ATG2A: variants seen among roughly 807,000 people sequenced by gnomAD.
The protein encoded by ATG2A is autophagy related 2A.
Under a neutral mutation model 214.2 loss-of-function variants are expected in ATG2A, and 103 were observed. That is an observed-to-expected ratio of 0.48 (90% CI 0.41 to 0.57). The LOEUF is 0.57. ATG2A is among the 20% of genes least tolerant of loss of function. ATG2A has a pLI of 0.00. For missense variants in ATG2A, 2,312 were observed against 2,613.2 expected, an observed-to-expected ratio of 0.88 and a Z score of 2.51; for synonymous variants, 1,160 against 1,142.1, an observed-to-expected ratio of 1.02 and a Z score of -0.32.
intron 37 of ATG2A, 101 bp downstream of exon 37, chr11:64,897,311 T>C: frequency 7.2e-7 from 1 of 1,383,956 alleles, no homozygotes; most frequent in South Asian, 1.3e-5. Context: ...ACTGAGGCCC[T>C]GAGAAGGGTG....
chr11:64,912,899 T>G, intron 6 of ATG2A, 139 bp downstream of exon 6: 2 of 693,114 alleles, frequency 2.9e-6, no homozygotes, highest in Non-Finnish European at 4.7e-6. Flanking sequence ...GCCTACAGCC[T>G]CAGTTTCTTT....
rs774460422 is a variant in ATG2A, at chr11:64,913,261, C to A, written c.726+5G>T. ...CAGGGGCTGTGGGAATCAGAGCCCG[C>A]TCACCTGTGCCGGGAGCTCCTCGTA... On this transcript the variant is annotated splice_donor_5th_base_variant and intron_variant, in intron 5 of 40. Coordinates refer to ENST00000377264, the MANE Select transcript of ATG2A (RefSeq NM_015104.3). This position sits in a 1 kb window ranked among gnomAD's most constrained non-coding sequence, Gnocchi z 4.3. 1.7e-5 allele frequency: 27 copies of A among 1,611,908 alleles called. No individual in the cohort carries two copies. The South Asian group carries it at 1.8e-4, about 11-fold the overall frequency.
At chr11:64,904,417 T>C (rs1944465471) in intron 24 of ATG2A, among the ~76,000 whole-genome samples, 1 of 151,782 alleles carries the variant, frequency 6.6e-6, no homozygotes, top group African/African-American at 2.4e-5. Context: ...TGGTGGTGGG[T>C]GCCTGTTGTC....
Position 64,913,147 on chromosome 11 carries a change from G to T in ATG2A, c.727-11C>A, listed in dbSNP as rs764266365. On this transcript the variant is annotated splice_polypyrimidine_tract_variant and intron_variant, in intron 5 of 40. Coordinates refer to ENST00000377264, the MANE Select transcript of ATG2A (RefSeq NM_015104.3). This position sits in a 1 kb window ranked among gnomAD's most constrained non-coding sequence, Gnocchi z 4.3. Reference sequence around the variant, plus strand: ...CTCTGGAGGCTCTTCCTGGGAGACGGGAGGATACAAGAGGGAAAGGTTGAG... The same window carrying T: ...CTCTGGAGGCTCTTCCTGGGAGACGTGAGGATACAAGAGGGAAAGGTTGAG... The T allele has an allele frequency of 6.3e-7, 1 of 1,587,710 alleles. No homozygotes were observed. Among genetic ancestry groups the T allele is most frequent in the Non-Finnish European group, 8.6e-7 (1 of 1,164,338 alleles).
intron 31 of ATG2A, among the ~76,000 whole-genome samples, chr11:64,899,220 T>C (rs867073815): frequency 6.6e-6 from 1 of 152,140 alleles, no homozygotes; most frequent in Admixed American, 6.5e-5. Context: ...CCCTTCTCTA[T>C]TCTATGCCCA....
chr11:64,914,255 C>T (rs1334960287), intron 2 of ATG2A, 22 bp from the exon 3 acceptor site: 1 of 1,551,030 alleles, frequency 6.4e-7, no homozygotes, highest in Admixed American at 1.9e-5. Flanking sequence ...AACAGGGTCT[C>T]AAGGCAGGCA....
chr11:64,895,106 G>T lies in ATG2A; in HGVS notation c.5684C>A (p.Pro1895Gln), dbSNP rs143178044. ...CAGGATGAGCGGCTTCACCACAGTC[G>T]GGGGCAGCTGGCGGATCACGCCCCC... ...AVGGVIRQLP[P>Q]TVVKPLILAT... Residue 1895 changes from proline to glutamine, a missense_variant, in exon 41 of 41, where the codon CCG (proline) becomes CAG (glutamine). By Grantham distance (76) the Pro-to-Gln change is moderately conservative (BLOSUM62 -1). Transcript: ENST00000377264. This position sits in a 1 kb window ranked among gnomAD's most constrained non-coding sequence, Gnocchi z 5.0. 1.2e-5 allele frequency: 19 copies of T among 1,612,938 alleles called. No individual in the cohort carries two copies. The highest frequency in any genetic ancestry group is 1.6e-5 in the Non-Finnish European group (19 of 1,179,794).
chr11:64,894,628 G>C lies in ATG2A; in HGVS notation c.*345C>G. The C allele has an allele frequency of 1.7e-6, 1 of 587,968 alleles. No individual in the cohort carries two copies. The highest frequency in any genetic ancestry group is 3.2e-6 in the Non-Finnish European group (1 of 311,090). The allele number at this position is 587,968 out of a possible 1,614,324, so 36.4% of individuals were successfully genotyped here. On this transcript the variant is annotated 3_prime_UTR_variant, in exon 41 of 41. Transcript: ENST00000377264. ...TTAAAAATAATACATCGAACCACAC[G>C]GATATCATCCCCTCCTCCCCCCAGA...
intron 29 of ATG2A, among the ~76,000 whole-genome samples, chr11:64,901,337 C>T (rs1239906190): frequency 6.6e-6 from 1 of 152,182 alleles, no homozygotes; most frequent in Non-Finnish European, 1.5e-5. Flanking sequence ...ACATGTGCCA[C>T]CATATCTGGC....
chr11:64,898,489 C>T lies in ATG2A; in HGVS notation c.4672-127G>A. The T allele has an allele frequency of 1.5e-6, 2 of 1,315,032 alleles. No homozygotes were observed. The highest frequency in any genetic ancestry group is 2.1e-6 in the Non-Finnish European group (2 of 948,898). 81.5% of individuals were successfully genotyped at this position (1,315,032 alleles called of 1,614,324 possible). ...CGCTGTTCCCTTCGCTAACACAGCC[C>T]CTAGCTCTGCCCTTCTCCCAGGCTC... is the stretch of plus-strand genomic sequence containing the variant. On this transcript the variant is annotated intron_variant, in intron 32 of 40. Transcript: ENST00000377264. The surrounding 1 kb of genome is among the most constrained non-coding windows in gnomAD (Gnocchi z 4.5).
chr11:64,912,689 G>A (rs1054046191), intron 6 of ATG2A: 1 of 467,850 alleles, frequency 2.1e-6, no homozygotes, highest in African/African-American at 2.0e-5. Flanking sequence ...TGCCTCCTGG[G>A]TTCAAGCGAT....
chr11:64,911,179 G>C lies in ATG2A; in HGVS notation c.1325C>G (p.Ser442Cys). Reference sequence around the variant, plus strand: ...GTCAGGTGGTCCGGAAGATGGGGCAGACGTCTGAAGCAAGGTCAGGGTCAC... The same window carrying C: ...GTCAGGTGGTCCGGAAGATGGGGCACACGTCTGAAGCAAGGTCAGGGTCAC... The part of the protein sequence containing the change: ...GGVTLTLLQT[S>C]APSSGPPDLA... The change falls in exon 10 of 41, where the codon TCT becomes TGT. Residue 442 changes from serine to cysteine, a missense_variant. Physicochemically the swap from Ser to Cys is moderately radical, Grantham distance 112. Transcript: ENST00000377264. 10 of 1,614,046 alleles carry C rather than the reference G, an allele frequency of 6.2e-6. No homozygotes were observed. The highest frequency in any genetic ancestry group is 8.5e-6 in the Non-Finnish European group (10 of 1,180,044).
chr11:64,906,995 C>G (rs746618562), intron 19 of ATG2A, among the ~76,000 whole-genome samples, 180 bp from the exon 20 acceptor site: 1 of 152,210 alleles, frequency 6.6e-6, no homozygotes, highest in East Asian at 1.9e-4. Context: ...TAATCTCTGC[C>G]GGGTCTGCCC....
At position 64,896,876 on chromosome 11, in the gene ATG2A, G is replaced by T; in HGVS notation, c.5151-7C>A. The T allele has an allele frequency of 6.2e-7, 1 of 1,613,080 alleles. No individual in the cohort carries two copies. The highest frequency in any genetic ancestry group is 8.5e-7 in the Non-Finnish European group (1 of 1,179,172). ...CTTGTCCACACCCAGGAGCCTGGCA[G>T]GGCAGGGAGGTGAGGAGGCAGAAGG... is the stretch of plus-strand genomic sequence containing the variant. On this transcript the variant is annotated splice_polypyrimidine_tract_variant and splice_region_variant and intron_variant, in intron 37 of 40. Coordinates refer to ENST00000377264, the MANE Select transcript of ATG2A (RefSeq NM_015104.3).
chr11:64,899,873 T>G (rs1402013607), intron 31 of ATG2A, among the ~76,000 whole-genome samples: 1 of 151,782 alleles, frequency 6.6e-6, no homozygotes, highest in African/African-American at 2.4e-5. Flanking sequence ...TTTTTTTTTT[T>G]TTTGAAACAG....
intron 31 of ATG2A, among the ~76,000 whole-genome samples, chr11:64,900,022 T>TTA (rs200864305): frequency 2.6e-3 from 215 of 82,510 alleles, no homozygotes; most frequent in Middle Eastern, 0.011. Context: ...CTGCAAATGG[T>TTA]TAATTTTTTT....
chr11:64,912,768 T>C (rs1944824791), intron 6 of ATG2A: 1 of 450,992 alleles, frequency 2.2e-6, no homozygotes, highest in Non-Finnish European at 4.0e-6. Flanking sequence ...TAATTTTGTA[T>C]TTTTAGTAGA....
In ATG2A at chr11:64,912,260, G is replaced by A. The variant is rs1385952806; in HGVS notation, c.923-11C>T. On this transcript the variant is annotated splice_polypyrimidine_tract_variant and intron_variant, in intron 7 of 40. Coordinates refer to ENST00000377264, the MANE Select transcript of ATG2A (RefSeq NM_015104.3). ...CCAGGCCCTCGTGGTCTGCAGGGGA[G>A]GAGACTTCAGTCTGGGCTGGCTGGC... The A allele has an allele frequency of 6.2e-7, 1 of 1,610,684 alleles. No homozygotes were observed. Among genetic ancestry groups the A allele is most frequent in the Non-Finnish European group, 8.5e-7 (1 of 1,177,902 alleles).
At position 64,913,847 on chromosome 11, in the gene ATG2A, A is replaced by T. The variant is rs1429815441; in HGVS notation, c.564T>A (p.Gly188=). ...VEHSPGDGER[G]VAVEVRVQRL... The stretch of plus-strand genomic sequence containing the variant: ...TCTGCACACGGACCTCGACGGCCAC[A>T]CCACGTTCCCCATCACCCGGAGAGT... Residue 188 remains glycine (G), a synonymous_variant, in exon 4 of 41, where the codon GGT becomes GGA. Coordinates refer to ENST00000377264, the MANE Select transcript of ATG2A (RefSeq NM_015104.3). The surrounding 1 kb of genome is among the most constrained non-coding windows in gnomAD (Gnocchi z 4.3). 6.2e-7 allele frequency: 1 copy of T among 1,613,782 alleles called. No homozygotes were observed. The highest frequency in any genetic ancestry group is 1.1e-5 in the South Asian group (1 of 91,078).
Sources: allele counts gnomAD v4.1 joint callset (sites outside exome capture counted in the v4.1 genomes callset), GRCh38; gene constraint gnomAD v4.1.1; non-coding constraint Gnocchi (gnomAD v3.1); transcripts MANE v1.5; gene names NCBI Gene and HGNC (gene_info 2026-07-23, HGNC 2026-07-21).